The following PC variants were observed in gnomAD, a reference collection of about 807,000 sequenced individuals.
PC encodes the protein pyruvate carboxylase, mitochondrial.
Under a neutral mutation model 107.8 loss-of-function variants are expected in PC, and 46 were observed. That is an observed-to-expected ratio of 0.43 (90% CI 0.34 to 0.55). PC has a LOEUF of 0.55. Among genes scored for constraint, PC ranks in the 20% least tolerant of loss-of-function variants. The pLI is 0.04. For synonymous variants in PC, 662 were observed against 684.7 expected (o/e 0.97, Z 0.52); for missense variants, 1,241 against 1,643.1 (o/e 0.76, Z 4.23).
At chr11:66,860,929 G>A (rs1449548290) in intron 12 of PC, among the ~76,000 whole-genome samples, 2 of 152,186 alleles carry the variant, frequency 1.3e-5, no homozygotes, top group Non-Finnish European at 2.9e-5. Flanking sequence ...CATGGCTCCA[G>A]GTGCTGACAG....
intron 3 of PC, among the ~76,000 whole-genome samples, chr11:66,899,618 G>T (rs1947879259): frequency 6.6e-6 from 1 of 152,060 alleles, no homozygotes; most frequent in Admixed American, 6.6e-5. Flanking sequence ...CCTCCCATGT[G>T]AGCCACCGTA....
At position 66,850,134 on chromosome 11, in the gene PC, G is replaced by A. The variant is rs772844061; in HGVS notation, c.2719-18C>T. Reference sequence around the variant, plus strand: ...GGCGTCACCTGAGGAGAAGGCCCTGGAGGTTAGGGTGCCAGGCACCTCAAG... The same window carrying A: ...GGCGTCACCTGAGGAGAAGGCCCTGAAGGTTAGGGTGCCAGGCACCTCAAG... On this transcript the variant is annotated intron_variant, in intron 19 of 22. Coordinates refer to ENST00000393960, the MANE Select transcript of PC (RefSeq NM_001040716.2). 1 of 1,613,862 alleles carries A rather than the reference G, an allele frequency of 6.2e-7. No homozygotes were observed. The highest frequency in any genetic ancestry group is 8.5e-7 in the Non-Finnish European group (1 of 1,180,044).
chr11:66,867,207 G>A (rs920035232), intron 10 of PC, among the ~76,000 whole-genome samples: 1 of 152,158 alleles, frequency 6.6e-6, no homozygotes, highest in Admixed American at 6.5e-5. Context: ...CCAACATGGT[G>A]AAACCCTGTC....
intron 3 of PC, among the ~76,000 whole-genome samples, chr11:66,903,017 G>A (rs781623472): frequency 6.6e-6 from 1 of 152,214 alleles, no homozygotes; most frequent in Non-Finnish European, 1.5e-5. Flanking sequence ...CTGCTGACTC[G>A]CCAGGCCTTA....
intron 3 of PC, among the ~76,000 whole-genome samples, chr11:66,911,929 AG>A (rs1948344205): frequency 6.6e-6 from 1 of 151,960 alleles, no homozygotes; most frequent in Non-Finnish European, 1.5e-5. Flanking sequence ...GCTACTCGGA[AG>A]GCTGAGGCAG....
chr11:66,851,325 C>T, intron 16 of PC, 45 bp from the exon 17 acceptor site: 1 of 1,598,868 alleles, frequency 6.3e-7, no homozygotes, highest in South Asian at 1.1e-5. Context: ...CCCCACCTCC[C>T]TCTGAACAGT....
In PC at chr11:66,871,741, G is replaced by C; in HGVS notation, c.267C>G (p.Gly89=). The C allele has an allele frequency of 5.1e-6, 8 of 1,582,218 alleles. No homozygotes were observed. Among genetic ancestry groups the C allele is most frequent in the Non-Finnish European group, 6.9e-6 (8 of 1,164,382 alleles). The change falls in exon 5 of 23, where the codon GGC becomes GGG. Residue 89 remains glycine, a synonymous_variant. Coordinates refer to ENST00000393960, the MANE Select transcript of PC (RefSeq NM_001040716.2). This position sits in a 1 kb window ranked among gnomAD's most constrained non-coding sequence, Gnocchi z 7.4. ...KADEAYLIGR[G]LAPVQAYLHI... is the part of the protein sequence containing the mutation. Reference sequence around the variant, plus strand: ...GCAGGTAGGCCTGCACGGGGGCCAGGCCGCGGCCGATGAGATAGGCTTCAT... The same window carrying C: ...GCAGGTAGGCCTGCACGGGGGCCAGCCCGCGGCCGATGAGATAGGCTTCAT...
chr11:66,849,651 C>T lies in PC; in HGVS notation c.3107G>A (p.Arg1036His), dbSNP rs141237842. The T allele has an allele frequency of 9.2e-4, 1,488 of 1,614,136 alleles. 4 individuals carry two copies. The highest frequency in any genetic ancestry group is 1.1e-3 in the Non-Finnish European group (1,354 of 1,180,018). Residue 1036 changes from arginine (R) to histidine (H), a missense_variant, in exon 21 of 23, where the codon CGC becomes CAC. By Grantham distance (29) the Arg-to-His change is conservative. Coordinates refer to ENST00000393960, the MANE Select transcript of PC (RefSeq NM_001040716.2). ...GATCTTGGGTCCCTGCAGGAAGAGG[C>T]GAGTATTCAGGCTATCCAGGGGGCC... ...TFGPLDSLNT[R>H]LFLQGPKIAE...
chr11:66,867,886 C>A (rs1035702973), intron 10 of PC, among the ~76,000 whole-genome samples: 4 of 152,266 alleles, frequency 2.6e-5, no homozygotes, highest in African/African-American at 9.6e-5. Context: ...GCCACCCCGA[C>A]AGCATCCTCA....
intron 3 of PC, among the ~76,000 whole-genome samples, chr11:66,941,878 A>G (rs1029265596): frequency 1.7e-4 from 26 of 151,232 alleles, no homozygotes; most frequent in Non-Finnish European, 3.7e-4. Flanking sequence ...TGAGGCGGGC[A>G]GATCACCTGA....
chr11:66,915,280 C>T (rs1489475531), intron 3 of PC, among the ~76,000 whole-genome samples: 2 of 152,304 alleles, frequency 1.3e-5, no homozygotes, highest in East Asian at 3.9e-4. Context: ...GCACTGCCTG[C>T]TGCGAGAGGC....
intron 3 of PC, among the ~76,000 whole-genome samples, chr11:66,937,974 C>T (rs1490791093): frequency 6.6e-6 from 1 of 152,088 alleles, no homozygotes; most frequent in Admixed American, 6.6e-5. Context: ...GACGGGGTTT[C>T]ACTGTGTTAG....
chr11:66,907,475 C>T (rs1216947040), intron 3 of PC, among the ~76,000 whole-genome samples: 3 of 151,958 alleles, frequency 2.0e-5, no homozygotes, highest in Admixed American at 2.0e-4. Flanking sequence ...TGCAGTGAGC[C>T]GAGATCATAC....
In PC at chr11:66,866,107, C is replaced by T; in HGVS notation, c.1185+80G>A. 1 of 1,511,892 alleles carries T rather than the reference C, an allele frequency of 6.6e-7. No individual in the cohort carries two copies. The highest frequency in any genetic ancestry group is 1.2e-5 in the South Asian group (1 of 84,882). The allele number at this position is 1,511,892 out of a possible 1,614,324, so 93.7% of individuals were successfully genotyped here. A position where few individuals can be genotyped will look rare whatever the true frequency, so the allele number is the denominator to read the frequency against. ...CTCCCTAACTGCCGGGCTGTGGCAA[C>T]TTGGCACTGCAGCCCCAGGCACCAG... On this transcript the variant is annotated intron_variant, in intron 11 of 22. Coordinates refer to ENST00000393960, the MANE Select transcript of PC (RefSeq NM_001040716.2). This position sits in a 1 kb window ranked among gnomAD's most constrained non-coding sequence, Gnocchi z 5.4.
chr11:66,869,048 AC>A (rs1177707287), intron 9 of PC, 84 bp from the exon 10 acceptor site: 11 of 1,061,090 alleles, frequency 1.0e-5, no homozygotes, highest in Non-Finnish European at 1.6e-5. Context: ...ATTCCGTCCC[AC>A]CCATTGGGTT....
At chr11:66,925,856 C>G (rs554721324) in intron 3 of PC, among the ~76,000 whole-genome samples, 1 of 151,410 alleles carries the variant, frequency 6.6e-6, no homozygotes, top group Non-Finnish European at 1.5e-5. Flanking sequence ...AATTTATGTT[C>G]TTCTGCCATG....
intron 3 of PC, among the ~76,000 whole-genome samples, chr11:66,924,369 C>CAAAAAAAAAAAAAAAAAAAAAAAA (rs71045970): frequency 4.6e-5 from 3 of 65,590 alleles, no homozygotes; most frequent in Admixed American, 1.8e-4. Flanking sequence ...CCATCTCTAC[C>CAAAAAAAAAAAAAAAAAAAAAAAA]AAAAAAAAAA....
chr11:66,948,714 C>T (rs1485912278), intron 3 of PC, among the ~76,000 whole-genome samples: 1 of 152,008 alleles, frequency 6.6e-6, no homozygotes, highest in Non-Finnish European at 1.5e-5. Flanking sequence ...GTGGCTTGAA[C>T]CTGTAGTCCC....
Position 66,870,373 on chromosome 11 carries a change from C to T in PC, c.832G>A (p.Ala278Thr), listed in dbSNP as rs763834374. 6.2e-7 allele frequency: 1 copy of T among 1,613,644 alleles called. No homozygotes were observed. Among genetic ancestry groups the T allele is most frequent in the Non-Finnish European group, 8.5e-7 (1 of 1,180,008 alleles). ...QRRHQKVVEI[A>T]PAAHLDPQLR... ...TGCGGGTCCAGGTGGGCGGCGGGGGCAATCTCGACCACCTTCTGGTGCCGC... is the reference window on the plus strand; with the variant it reads ...TGCGGGTCCAGGTGGGCGGCGGGGGTAATCTCGACCACCTTCTGGTGCCGC... Residue 278 changes from alanine to threonine, a missense_variant, in exon 9 of 23, where the codon GCC becomes ACC. Around this residue, in one of 2 missense-constraint regions of PC, gnomAD observed 1,143 missense variants for 1,551.9 expected, o/e 0.74. Coordinates refer to ENST00000393960, the MANE Select transcript of PC (RefSeq NM_001040716.2). The surrounding 1 kb of genome is among the most constrained non-coding windows in gnomAD (Gnocchi z 6.1).
Sources: allele counts gnomAD v4.1 joint callset (sites outside exome capture counted in the v4.1 genomes callset), GRCh38; gene constraint gnomAD v4.1.1; regional missense constraint gnomAD v4.1.1; non-coding constraint Gnocchi (gnomAD v3.1); transcripts MANE v1.5; gene names NCBI Gene and HGNC (gene_info 2026-07-23, HGNC 2026-07-21).